The following RERE variants were observed in gnomAD, a reference collection of about 807,000 sequenced individuals.
RERE encodes the protein arginine-glutamic acid dipeptide repeats.
RERE carries 40 observed loss-of-function variants against 146.1 expected under a neutral mutation model. That is an observed-to-expected ratio of 0.27 (90% confidence interval 0.21 to 0.36). The LOEUF (loss-of-function observed/expected upper bound fraction) is 0.36. RERE is among the 10% of genes least tolerant of loss of function. RERE has a pLI of 1.00. For synonymous variants in RERE, 1,003 were observed against 866.0 expected (o/e 1.16, Z -2.78); for missense variants, 1,933 against 2,138.7 (o/e 0.90, Z 1.90).
At chr1:8,663,177 A>C (rs1381060636) in intron 1 of RERE, among the ~76,000 whole-genome samples, 15 of 152,118 alleles carry the variant, frequency 9.9e-5, no homozygotes, top group Non-Finnish European at 1.5e-5. Context: ...AAAAAATTAA[A>C]AATATTTCCT....
At chr1:8,514,292 T>C (rs1242703605) in intron 7 of RERE, among the ~76,000 whole-genome samples, 2 of 152,180 alleles carry the variant, frequency 1.3e-5, no homozygotes, top group Non-Finnish European at 2.9e-5. Context: ...TTTCAAAGAG[T>C]AACTGATATT....
At chr1:8,387,606 A>G (rs537491113) in intron 12 of RERE, among the ~76,000 whole-genome samples, 1 of 152,356 alleles carries the variant, frequency 6.6e-6, no homozygotes, top group East Asian at 1.9e-4. Flanking sequence ...CTAGAAAAAG[A>G]CAATCAAATT....
Position 8,358,181 on chromosome 1 carries a change from C to T in RERE, c.4339+15G>A, listed in dbSNP as rs747047186. The T allele has an allele frequency of 2.9e-5, 45 of 1,574,496 alleles. No individual in the cohort carries two copies. Among genetic ancestry groups the T allele is most frequent in the African/African-American group, 8.0e-5 (6 of 74,580 alleles). On this transcript the variant is annotated intron_variant, in intron 20 of 22. Coordinates refer to ENST00000400908, the MANE Select transcript of RERE (RefSeq NM_001042681.2). ...CCCCGTGCCTCTGTCCCACCTGCCA[C>T]GCTGGGGCACGCACCTTGGTGGAGG...
rs1044207359 is a variant in RERE, at chr1:8,407,828, C to A, written c.1284+14899G>T. Among the ~76,000 whole-genome samples the A allele has an allele frequency of 2.0e-5, 3 of 152,296 alleles. No homozygotes were observed. The South Asian group carries it at 6.2e-4, about 32-fold the overall frequency. On this transcript the variant is annotated intron_variant, in intron 12 of 22. Transcript: ENST00000400908. ...TTCTTTCTTTTGAAACAGAGAACCA[C>A]AGGGAGGATCAAAGGCGTGCTGCTG...
At chr1:8,763,288 C>G (rs180776394) in intron 1 of RERE, among the ~76,000 whole-genome samples, 4 of 151,966 alleles carry the variant, frequency 2.6e-5, no homozygotes, top group Admixed American at 6.6e-5. Context: ...TTCTTGAAAA[C>G]TAAAAGAAAA....
chr1:8,369,513 A>T (rs1181526451), intron 12 of RERE, among the ~76,000 whole-genome samples: 2 of 125,454 alleles, frequency 1.6e-5, no homozygotes. Flanking sequence ...TTTACTAAAA[A>T]AAAAAAAAAA....
chr1:8,493,018 G>A (rs1445752331), intron 10 of RERE, among the ~76,000 whole-genome samples: 2 of 152,126 alleles, frequency 1.3e-5, no homozygotes, highest in Non-Finnish European at 2.9e-5. Context: ...AGCCTGCAGT[G>A]AGCCTGCAGT....
At chr1:8,624,858 A>T (rs34898101) in intron 2 of RERE, among the ~76,000 whole-genome samples, 347 of 152,370 alleles carry the variant, frequency 2.3e-3, no homozygotes, top group Non-Finnish European at 4.4e-3. Context: ...GACTAGCTTG[A>T]ACATGCTATT....
chr1:8,412,713 A>T (rs1416181111), intron 12 of RERE, among the ~76,000 whole-genome samples: 2 of 152,252 alleles, frequency 1.3e-5, no homozygotes, highest in African/African-American at 4.8e-5. Flanking sequence ...AGGAGAGTTG[A>T]TTTACTGCGC....
At chr1:8,812,070 T>G (rs1227894463) in intron 1 of RERE, among the ~76,000 whole-genome samples, 1 of 152,208 alleles carries the variant, frequency 6.6e-6, no homozygotes, top group Non-Finnish European at 1.5e-5. Context: ...CTGTTCTACT[T>G]TTCCCCAACT....
chr1:8,664,492 A>T (rs1029667728), intron 1 of RERE, among the ~76,000 whole-genome samples: 79 of 152,124 alleles, frequency 5.2e-4, no homozygotes, highest in Admixed American at 7.2e-4. Flanking sequence ...ACATGTGAAA[A>T]CTGTTCACCT....
At chr1:8,392,776 C>G (rs190130412) in intron 12 of RERE, among the ~76,000 whole-genome samples, 10 of 152,330 alleles carry the variant, frequency 6.6e-5, no homozygotes, top group Admixed American at 3.9e-4. Context: ...AGTGGGCCAT[C>G]CTGTCTGGAA....
intron 11 of RERE, among the ~76,000 whole-genome samples, chr1:8,445,339 T>G (rs1644303453): frequency 6.6e-6 from 1 of 152,218 alleles, no homozygotes; most frequent in African/African-American, 2.4e-5. Flanking sequence ...GTACAGACTT[T>G]TCTTCACTGG....
In RERE at chr1:8,570,166, G is replaced by A. The variant is rs549377804; in HGVS notation, c.523-12643C>T. On this transcript the variant is annotated intron_variant, in intron 4 of 22. Coordinates refer to ENST00000400908, the MANE Select transcript of RERE (RefSeq NM_001042681.2). ...ATCCTGGCCAACATGGTGAAACCCC[G>A]TCTCTACTAAAAATACAAAAATTAG... Among the ~76,000 whole-genome samples, 717 of 151,974 alleles carry A rather than the reference G, an allele frequency of 4.7e-3. 2 individuals are homozygous for A. Among genetic ancestry groups the A allele is most frequent in the African/African-American group, 0.017 (689 of 41,452 alleles).
At chr1:8,608,493 G>T (rs549782541) in intron 4 of RERE, among the ~76,000 whole-genome samples, 46 of 152,204 alleles carry the variant, frequency 3.0e-4, no homozygotes, top group African/African-American at 1.1e-3. Flanking sequence ...GACAGAGTGA[G>T]ACCCTGTCTG....
At chr1:8,521,695 G>A (rs535204689) in intron 7 of RERE, among the ~76,000 whole-genome samples, 9 of 152,238 alleles carry the variant, frequency 5.9e-5, no homozygotes, top group Admixed American at 1.3e-4. Context: ...CTCAGAGGAG[G>A]GAAGGAACCT....
At chr1:8,623,857 C>T (rs1646944061) in intron 3 of RERE, among the ~76,000 whole-genome samples, 1 of 152,202 alleles carries the variant, frequency 6.6e-6, no homozygotes, top group African/African-American at 2.4e-5. Flanking sequence ...GGGAAACCCC[C>T]ACAACAATTT....
At chr1:8,664,268 C>T (rs1373350211) in intron 1 of RERE, among the ~76,000 whole-genome samples, 1 of 152,172 alleles carries the variant, frequency 6.6e-6, no homozygotes, top group African/African-American at 2.4e-5. Flanking sequence ...TTTCTAGACA[C>T]GATCCTCTCC....
intron 1 of RERE, among the ~76,000 whole-genome samples, chr1:8,659,510 T>C (rs1371782494): frequency 6.6e-6 from 1 of 152,244 alleles, no homozygotes; most frequent in Non-Finnish European, 1.5e-5. Context: ...TGAGCCAAGA[T>C]TGTGCCATGG....
Sources: gnomAD v4.1 joint callset for allele counts (sites outside exome capture counted in the v4.1 genomes callset) on GRCh38, gnomAD v4.1.1 for gene constraint, MANE v1.5 for transcripts, NCBI Gene and HGNC (gene_info 2026-07-23, HGNC 2026-07-21) for gene names.